Variants in KLRD1 observed in about 807,000 individuals in gnomAD.
KLRD1 encodes the protein killer cell lectin like receptor D1, also known as natural killer cells antigen CD94.
Under a neutral mutation model 22.6 loss-of-function variants are expected in KLRD1, and 21 were observed. That is an observed-to-expected ratio of 0.93 (90% CI 0.66 to 1.34). The LOEUF (loss-of-function observed/expected upper bound fraction) is 1.34. Ranked by LOEUF, KLRD1 falls within the 40% of genes most tolerant of loss-of-function variation. The probability of loss-of-function intolerance (pLI) is 0.00; values close to 1 mark genes in which losing one functional copy is unlikely to be tolerated. For synonymous variants in KLRD1, 59 were observed against 71.1 expected (o/e 0.83, Z 0.85); for missense variants, 183 against 208.6 (o/e 0.88, Z 0.76).
At chr12:10,280,504 G>C (rs566556542) in intron 1 of KLRD1, among the ~76,000 whole-genome samples, 30 of 152,272 alleles carry the variant, frequency 2.0e-4, no homozygotes, top group African/African-American at 6.7e-4. Flanking sequence ...ACAATATTGT[G>C]TAGGGCAGCA....
chr12:10,309,776 A>G (rs1405197237), intron 3 of KLRD1, 88 bp downstream of exon 3: 4 of 886,188 alleles, frequency 4.5e-6, no homozygotes, highest in East Asian at 5.1e-5. Flanking sequence ...ATGATGGAAT[A>G]TTATACTTAG....
intron 5 of KLRD1, 41 bp from the exon 6 acceptor site, chr12:10,314,632 C>T: frequency 6.7e-7 from 1 of 1,495,594 alleles, no homozygotes; most frequent in Non-Finnish European, 8.9e-7. Context: ...AACATTCTTA[C>T]TTCCTTTTTG....
Position 10,323,040 on chromosome 12 carries a change from A to G in KLRD1, c.*8247A>G, listed in dbSNP as rs1950325516. 6.6e-6 allele frequency: 1 copy of G among 152,244 alleles called. No homozygotes were observed. Among genetic ancestry groups the G allele is most frequent in the African/African-American group, 2.4e-5 (1 of 41,458 alleles). The allele number at this position is 152,244 out of a possible 1,614,324, so 9.4% of individuals were successfully genotyped here. On this transcript the variant is annotated 3_prime_UTR_variant, in exon 6 of 6. Coordinates refer to ENST00000336164, the MANE Select transcript of KLRD1 (RefSeq NM_002262.5). Reference sequence around the variant, plus strand: ...TGTCATGTAGAATTCATAAGAATGTATCACAATTTGCTTATTTATTCTAAT... The same window carrying G: ...TGTCATGTAGAATTCATAAGAATGTGTCACAATTTGCTTATTTATTCTAAT...
chr12:10,268,588 A>G (rs1949521264), intron 1 of KLRD1, among the ~76,000 whole-genome samples: 1 of 152,096 alleles, frequency 6.6e-6, no homozygotes, highest in Non-Finnish European at 1.5e-5. Context: ...AACCATCTGG[A>G]TAAGAAAGCG....
chr12:10,324,818 G>GTGTATGTATATATATATATATA lies in KLRD1; in HGVS notation c.*10026_*10027insGTATGTATATATATATATATAT, dbSNP rs750696767. 1.3e-5 allele frequency: 1 copy of GTGTATGTATATATATATATATA among 74,144 alleles called. No homozygotes were observed. Among genetic ancestry groups the GTGTATGTATATATATATATATA allele is most frequent in the Admixed American group, 2.1e-4 (1 of 4,738 alleles). 4.6% of individuals were successfully genotyped at this position (74,144 alleles called of 1,614,324 possible). On this transcript the variant is annotated 3_prime_UTR_variant, in exon 6 of 6. Coordinates refer to ENST00000336164, the MANE Select transcript of KLRD1 (RefSeq NM_002262.5). ...AGTATATATGTATATGTGTGTGTGT[G>GTGTATGTATATATATATATATA]TATATATATATATATATATATATAT...
chr12:10,303,527 A>T (rs1949884577), upstream of KLRD1, among the ~76,000 whole-genome samples: 1 of 152,170 alleles, frequency 6.6e-6, no homozygotes, highest in African/African-American at 2.4e-5. Context: ...CCTGATATAG[A>T]TAATTTTACT....
intron 1 of KLRD1, among the ~76,000 whole-genome samples, chr12:10,295,894 A>G (rs977607155): frequency 6.6e-6 from 1 of 152,220 alleles, no homozygotes; most frequent in African/African-American, 2.4e-5. Context: ...ATAAGCAATC[A>G]TAATTCTAAT....
chr12:10,265,242 C>G (rs1415712993), intron 1 of KLRD1, among the ~76,000 whole-genome samples: 1 of 152,058 alleles, frequency 6.6e-6, no homozygotes, highest in East Asian at 1.9e-4. Flanking sequence ...TATAGACATA[C>G]ACATATATGC....
chr12:10,254,352 C>T (rs899723670), intron 1 of KLRD1, among the ~76,000 whole-genome samples: 19 of 137,614 alleles, frequency 1.4e-4, no homozygotes, highest in African/African-American at 4.8e-4. Flanking sequence ...GGCGTGAACC[C>T]GGGAGGCGGA....
At chr12:10,272,287 A>G (rs2137645551) in intron 1 of KLRD1, among the ~76,000 whole-genome samples, 1 of 152,280 alleles carries the variant, frequency 6.6e-6, no homozygotes, top group Non-Finnish European at 1.5e-5. Context: ...AGTCAATGAC[A>G]TTCACCAAAA....
chr12:10,253,542 T>C (rs1379342182), intron 1 of KLRD1, among the ~76,000 whole-genome samples: 5 of 142,638 alleles, frequency 3.5e-5, no homozygotes, highest in Non-Finnish European at 7.7e-5. Context: ...ACCCAATAGA[T>C]ACCTTTTCTG....
At chr12:10,312,536 G>A (rs1050676097) in intron 4 of KLRD1, among the ~76,000 whole-genome samples, 6 of 151,218 alleles carry the variant, frequency 4.0e-5, no homozygotes, top group African/African-American at 9.7e-5. Flanking sequence ...CCACAACCAC[G>A]CCCAGTTAAT....
Position 10,309,497 on chromosome 12 carries a change from A to G in KLRD1, c.100+17A>G, listed in dbSNP as rs568491915. The G allele has an allele frequency of 7.3e-5, 100 of 1,368,400 alleles. 5 individuals carry two copies. The South Asian group carries it at 1.1e-3, about 15-fold the overall frequency. 84.8% of individuals were successfully genotyped at this position (1,368,400 alleles called of 1,614,324 possible). On this transcript the variant is annotated intron_variant, in intron 2 of 5. Transcript: ENST00000336164. ...TGAAAAATTGTAAGTTTTTCTAAGC[A>G]AGTCTCCATAAAAATCAAAACTGTG...
At chr12:10,302,331 C>T (rs1033651570), upstream of KLRD1, among the ~76,000 whole-genome samples, 23 of 152,252 alleles carry the variant, frequency 1.5e-4, no homozygotes, top group Admixed American at 1.5e-3. Context: ...GTTTTCAAGA[C>T]ATTTACTCAA....
At chr12:10,239,551 C>G (rs1451973267) in intron 1 of KLRD1, among the ~76,000 whole-genome samples, 1 of 123,904 alleles carries the variant, frequency 8.1e-6, no homozygotes, top group Non-Finnish European at 1.6e-5. Flanking sequence ...TTCTTTCTTT[C>G]TTTCTTTCTT....
chr12:10,278,523 C>T (rs1322597357), intron 1 of KLRD1, among the ~76,000 whole-genome samples: 1 of 152,128 alleles, frequency 6.6e-6, no homozygotes, highest in Admixed American at 6.6e-5. Flanking sequence ...CTTCTTGGTC[C>T]ACATATTATG....
chr12:10,266,791 A>T (rs1309458714), intron 1 of KLRD1, among the ~76,000 whole-genome samples: 1 of 149,772 alleles, frequency 6.7e-6, no homozygotes, highest in Non-Finnish European at 1.5e-5. Context: ...TGACTTTATT[A>T]TTAGGTTCCT....
chr12:10,301,292 A>G (rs936309444), upstream of KLRD1, among the ~76,000 whole-genome samples: 2 of 152,190 alleles, frequency 1.3e-5, no homozygotes, highest in African/African-American at 4.8e-5. Flanking sequence ...TTGTGAGATG[A>G]TAAACTTTTG....
At chr12:10,298,772 A>G (rs1174177222) in intron 1 of KLRD1, among the ~76,000 whole-genome samples, 2 of 152,322 alleles carry the variant, frequency 1.3e-5, no homozygotes, top group East Asian at 3.9e-4. Context: ...TGTTTCCCAT[A>G]AGGAATACTT....
Sources: allele counts gnomAD v4.1 joint callset (sites outside exome capture counted in the v4.1 genomes callset), GRCh38; gene constraint gnomAD v4.1.1; transcripts MANE v1.5; gene names NCBI Gene and HGNC (gene_info 2026-07-23, HGNC 2026-07-21).